Variants in ZC3H12B observed in about 807,000 individuals in gnomAD.
ZC3H12B encodes probable ribonuclease ZC3H12B.
ZC3H12B carries 7 observed loss-of-function variants against 43.9 expected under a neutral mutation model. The ratio of observed to expected loss-of-function variants is 0.16; its 90% confidence interval spans 0.09 to 0.30. ZC3H12B has a LOEUF of 0.30. Ranked by LOEUF, ZC3H12B falls within the 10% of genes least tolerant of loss-of-function variation. The pLI is 1.00. For missense variants in ZC3H12B, 475 were observed against 670.2 expected (o/e 0.71, Z 3.22); for synonymous variants, 222 against 241.7 (o/e 0.92, Z 0.76).
At chrX:65,158,014 C>T in the ZC3H12B span, among the ~76,000 whole-genome samples, 2 of 101,305 alleles carry the variant, frequency 2.0e-5, no homozygotes, top group African/African-American at 7.1e-5. Flanking sequence ...TGAGTGAGAA[C>T]ATGCTGTGTT....
At chrX:65,249,390 G>T in the ZC3H12B span, among the ~76,000 whole-genome samples, 1 of 111,149 alleles carries the variant, frequency 9.0e-6, no homozygotes, top group Non-Finnish European at 1.9e-5. Flanking sequence ...TTTACTTTTG[G>T]GTTCTCCACT....
the ZC3H12B span, among the ~76,000 whole-genome samples, chrX:65,157,032 G>A: frequency 9.0e-6 from 1 of 110,832 alleles, no homozygotes; most frequent in Non-Finnish European, 1.9e-5. Context: ...CCAGGCTGGA[G>A]TGCAGTGGCA....
At chrX:65,064,608 A>G in the ZC3H12B span, among the ~76,000 whole-genome samples, 1 of 111,352 alleles carries the variant, frequency 9.0e-6, no homozygotes. Context: ...TATGAGGAGA[A>G]TGTATATTCT....
intron 3 of ZC3H12B, among the ~76,000 whole-genome samples, chrX:65,417,564 C>T (rs1235170355): frequency 8.9e-6 from 1 of 112,457 alleles, no homozygotes; most frequent in African/African-American, 3.2e-5. Flanking sequence ...AGTGTACCTT[C>T]AGTAGGGAAT....
At chrX:65,409,023 T>C (rs1174131332) in intron 3 of ZC3H12B, among the ~76,000 whole-genome samples, 1 of 112,088 alleles carries the variant, frequency 8.9e-6, no homozygotes, top group African/African-American at 3.2e-5. Context: ...TGAAAGTGAA[T>C]GTGTTCAAAT....
At chrX:65,493,486 T>C (rs1312354126) in intron 1 of ZC3H12B, among the ~76,000 whole-genome samples, 2 of 112,370 alleles carry the variant, frequency 1.8e-5, no homozygotes, top group African/African-American at 3.2e-5. Flanking sequence ...GATTGATATA[T>C]GCTAAGATCC....
At chrX:65,222,602 AAATAAT>A in the ZC3H12B span, among the ~76,000 whole-genome samples, 4,286 of 91,081 alleles carry the variant, frequency 0.047, 89 homozygotes, top group East Asian at 0.092. Context: ...AATAGCTGCA[AAATAAT>A]AATAATAATA....
chrX:65,326,137 T>A, the ZC3H12B span, among the ~76,000 whole-genome samples: 311 of 111,669 alleles, frequency 2.8e-3, 3 homozygotes, highest in African/African-American at 9.6e-3. Context: ...TATTTAATAC[T>A]TGATTCCAAA....
chrX:65,186,740 C>T, the ZC3H12B span, among the ~76,000 whole-genome samples: 1 of 110,775 alleles, frequency 9.0e-6, no homozygotes, highest in African/African-American at 3.3e-5. Context: ...TATGCCTTTG[C>T]GTCCTCATAG....
At chrX:65,161,596 T>G in the ZC3H12B span, among the ~76,000 whole-genome samples, 1 of 111,814 alleles carries the variant, frequency 8.9e-6, no homozygotes, top group African/African-American at 3.3e-5. Context: ...CCTGCCTTTT[T>G]TTGTTTTCCA....
the ZC3H12B span, among the ~76,000 whole-genome samples, chrX:65,161,022 A>G: frequency 9.0e-6 from 1 of 110,743 alleles, no homozygotes; most frequent in Middle Eastern, 4.2e-3. Context: ...TTATGTACCC[A>G]GTAGTCATTC....
chrX:65,351,000 A>G, the ZC3H12B span, among the ~76,000 whole-genome samples: 1 of 112,307 alleles, frequency 8.9e-6, no homozygotes, highest in Non-Finnish European at 1.9e-5. Context: ...ACCAAAAAAG[A>G]GCACGCATAA....
chrX:65,173,601 T>C, the ZC3H12B span, among the ~76,000 whole-genome samples: 2 of 112,203 alleles, frequency 1.8e-5, no homozygotes, highest in East Asian at 2.8e-4. Context: ...GTTCCATCAA[T>C]ATATAGTTTA....
chrX:65,181,470 CTACAGAA>C, the ZC3H12B span, among the ~76,000 whole-genome samples: 2 of 111,147 alleles, frequency 1.8e-5, no homozygotes, highest in East Asian at 5.6e-4. Flanking sequence ...AACAGGTAAC[CTACAGAA>C]TGGGAGAAAT....
the ZC3H12B span, among the ~76,000 whole-genome samples, chrX:65,341,708 A>G: frequency 9.0e-6 from 1 of 111,025 alleles, no homozygotes; most frequent in Admixed American, 9.6e-5. Context: ...CTCCTGAAAA[A>G]AGCACTAAAT....
At chrX:65,400,697 C>G (rs1248404875) in intron 3 of ZC3H12B, among the ~76,000 whole-genome samples, 2 of 111,816 alleles carry the variant, frequency 1.8e-5, no homozygotes, top group East Asian at 5.6e-4. Context: ...AGTCCACAGT[C>G]ATTTTATTCC....
the ZC3H12B span, among the ~76,000 whole-genome samples, chrX:65,071,519 C>T: frequency 9.0e-6 from 1 of 110,787 alleles, no homozygotes; most frequent in African/African-American, 3.3e-5. Flanking sequence ...ATTTTACAGA[C>T]TTGCTTTTGT....
At chrX:65,341,721 G>A in the ZC3H12B span, among the ~76,000 whole-genome samples, 2 of 109,853 alleles carry the variant, frequency 1.8e-5, no homozygotes, top group South Asian at 7.8e-4. Flanking sequence ...CACTAAATAC[G>A]GAAAGGAAAG....
At chrX:65,340,250 G>A in the ZC3H12B span, among the ~76,000 whole-genome samples, 1 of 112,053 alleles carries the variant, frequency 8.9e-6, no homozygotes, top group Non-Finnish European at 1.9e-5. Context: ...GTTGCCAGTG[G>A]GGGCATCCTG....
Sources: gnomAD v4.1 joint callset for allele counts (sites outside exome capture counted in the v4.1 genomes callset) on GRCh38, gnomAD v4.1.1 for gene constraint, MANE v1.5 for transcripts, NCBI Gene and HGNC (gene_info 2026-07-23, HGNC 2026-07-21) for gene names.